MRTFA: variants seen among roughly 807,000 people sequenced by gnomAD.
MRTFA encodes the protein myocardin related transcription factor A.
Under a neutral mutation model 83.5 loss-of-function variants are expected in MRTFA, and 20 were observed. The observed-to-expected ratio is 0.24, with a 90% CI of 0.17 to 0.35. The LOEUF (loss-of-function observed/expected upper bound fraction) is 0.35, where lower values mean the gene tolerates loss of function less well. Ranked by LOEUF, MRTFA falls within the 10% of genes least tolerant of loss-of-function variation. MRTFA has a pLI of 1.00. For synonymous variants in MRTFA, 659 were observed against 541.2 expected (o/e 1.22, Z -3.02); for missense variants, 1,200 against 1,224.7 (o/e 0.98, Z 0.30).
At chr22:40,477,471 CTT>C (rs2054017517) in intron 3 of MRTFA, among the ~76,000 whole-genome samples, 1 of 152,184 alleles carries the variant, frequency 6.6e-6, no homozygotes, top group Non-Finnish European at 1.5e-5. Context: ...AATCAAGTAA[CTT>C]TATCTTTTTT....
At chr22:40,621,932 T>A (rs1265297139) in intron 1 of MRTFA, among the ~76,000 whole-genome samples, 2 of 152,130 alleles carry the variant, frequency 1.3e-5, no homozygotes, top group Non-Finnish European at 2.9e-5. Flanking sequence ...AACAGATGAT[T>A]TAGATAATGA....
chr22:40,517,277 C>T (rs1450635021), intron 3 of MRTFA, among the ~76,000 whole-genome samples: 1 of 151,990 alleles, frequency 6.6e-6, no homozygotes, highest in Admixed American at 6.6e-5. Context: ...TTGTTTTTTA[C>T]ATTTACGTTG....
chr22:40,588,921 G>A (rs144981697), intron 2 of MRTFA, among the ~76,000 whole-genome samples: 7 of 152,284 alleles, frequency 4.6e-5, no homozygotes, highest in Admixed American at 6.5e-5. Flanking sequence ...GTGCAAAGCT[G>A]CTATGAGCTA....
At position 40,416,777 on chromosome 22, in the gene MRTFA, G is replaced by A. The variant is rs2052688927; in HGVS notation, c.2578+209C>T. On this transcript the variant is annotated intron_variant, in intron 14 of 14. Coordinates refer to ENST00000355630, the MANE Select transcript of MRTFA (RefSeq NM_020831.6). The surrounding 1 kb of genome is among the most constrained non-coding windows in gnomAD (Gnocchi z 4.2). ...TTCGTTGGGAGGCGAGGGCCTTGGG[G>A]CAGTGCTTCCAGCTGAAGGACGGCA... is the stretch of plus-strand genomic sequence containing the variant. 6.6e-6 allele frequency among the ~76,000 whole-genome samples: 1 copy of A among 152,374 alleles called. No individual in the cohort carries two copies. Among genetic ancestry groups the A allele is most frequent in the Non-Finnish European group, 1.5e-5 (1 of 68,036 alleles).
At chr22:40,636,253 C>CGCCCG (rs751133050) in intron 1 of MRTFA, among the ~76,000 whole-genome samples, 5 of 152,148 alleles carry the variant, frequency 3.3e-5, no homozygotes, top group East Asian at 3.9e-4. Context: ...CGCGCCCGCC[C>CGCCCG]GCCCGGCCCG....
intron 2 of MRTFA, among the ~76,000 whole-genome samples, chr22:40,568,582 A>G (rs1054605059): frequency 1.3e-5 from 2 of 152,246 alleles, no homozygotes; most frequent in East Asian, 1.9e-4. Flanking sequence ...AATGCAACAG[A>G]TATTTTAATA....
intron 2 of MRTFA, among the ~76,000 whole-genome samples, chr22:40,585,053 A>T (rs1433602603): frequency 6.6e-6 from 1 of 152,160 alleles, no homozygotes; most frequent in Non-Finnish European, 1.5e-5. Context: ...CTCAAAAAGA[A>T]AACAAAAAAG....
In MRTFA at chr22:40,429,909, G is replaced by A. The variant is rs564371817; in HGVS notation, c.440-142C>T. On this transcript the variant is annotated intron_variant, in intron 6 of 14. Coordinates refer to ENST00000355630, the MANE Select transcript of MRTFA (RefSeq NM_020831.6). ...AAGCATATTCCAAGCAGAGAAGAGT[G>A]GCCTGTCTTGAAGTTTCACAAAGAC... 1.3e-5 allele frequency: 11 copies of A among 867,248 alleles called. No homozygotes were observed. The African/African-American group carries it at 1.7e-4, about 13-fold the overall frequency. The allele number at this position is 867,248 out of a possible 1,614,324, so 53.7% of individuals were successfully genotyped here.
chr22:40,612,158 TACTTTATTTAG>T (rs1161830259), intron 1 of MRTFA, among the ~76,000 whole-genome samples: 1 of 152,244 alleles, frequency 6.6e-6, no homozygotes, highest in African/African-American at 2.4e-5. Context: ...AATGAGCAAG[TACTTTATTTAG>T]GCAATGTAAA....
At chr22:40,486,546 C>T (rs952543295) in intron 3 of MRTFA, among the ~76,000 whole-genome samples, 2 of 151,986 alleles carry the variant, frequency 1.3e-5, no homozygotes, top group Non-Finnish European at 2.9e-5. Flanking sequence ...CTTTTCTAAC[C>T]ACAAATCTGG....
chr22:40,522,949 G>C (rs1184159535), intron 3 of MRTFA: 1 of 152,162 alleles, frequency 6.6e-6, no homozygotes, highest in East Asian at 1.9e-4. Flanking sequence ...TCAGGTCACA[G>C]GGAGTCCACG....
intron 1 of MRTFA, among the ~76,000 whole-genome samples, chr22:40,599,638 TG>T (rs1351983188): frequency 6.6e-6 from 1 of 152,092 alleles, no homozygotes; most frequent in Non-Finnish European, 1.5e-5. Flanking sequence ...GGCTCACACC[TG>T]TAATTCCAAC....
At chr22:40,461,628 C>CA (rs71199287) in intron 4 of MRTFA, among the ~76,000 whole-genome samples, 1,412 of 100,348 alleles carry the variant, frequency 0.014, 7 homozygotes, top group South Asian at 0.021. Context: ...ACTAAAAATA[C>CA]AAAAAAAAAA....
intron 1 of MRTFA, among the ~76,000 whole-genome samples, chr22:40,599,874 G>C (rs1184261979): frequency 6.6e-6 from 1 of 151,054 alleles, no homozygotes; most frequent in Middle Eastern, 3.4e-3. Context: ...ACTCCAGCCT[G>C]AGCGACAGAG....
Position 40,410,382 on chromosome 22 carries a change from G to C in MRTFA, c.*1008C>G, listed in dbSNP as rs1449035150. Reference sequence around the variant, plus strand: ...TGACTCCACCCCTACTCCCCTATGAGTCAGCCCAGAATGTGAAGCCAGTGG... The same window carrying C: ...TGACTCCACCCCTACTCCCCTATGACTCAGCCCAGAATGTGAAGCCAGTGG... On this transcript the variant is annotated 3_prime_UTR_variant, in exon 15 of 15. Coordinates refer to ENST00000355630, the MANE Select transcript of MRTFA (RefSeq NM_020831.6). 4.1e-6 allele frequency: 1 copy of C among 241,722 alleles called. No individual in the cohort carries two copies. The highest frequency in any genetic ancestry group is 8.0e-6 in the Non-Finnish European group (1 of 125,786). The allele number at this position is 241,722 out of a possible 1,614,324, so 15.0% of individuals were successfully genotyped here. A position where few individuals can be genotyped will look rare whatever the true frequency, so the allele number is the denominator to read the frequency against.
chr22:40,498,267 A>ATTTTT (rs2054391853), intron 3 of MRTFA, among the ~76,000 whole-genome samples: 1 of 89,172 alleles, frequency 1.1e-5, no homozygotes, highest in African/African-American at 5.1e-5. Flanking sequence ...ATATATATAT[A>ATTTTT]TATATATTTT....
At chr22:40,505,900 C>A (rs921574080) in intron 3 of MRTFA, among the ~76,000 whole-genome samples, 1 of 152,010 alleles carries the variant, frequency 6.6e-6, no homozygotes, top group African/African-American at 2.4e-5. Flanking sequence ...TGAACTAAGA[C>A]AATTATAAAG....
rs187953991 is a variant in MRTFA at position 40,606,853 on chromosome 22, T to C, written c.-83-12118A>G. The stretch of plus-strand genomic sequence containing the variant: ...GCTCCTCTTTGAAGGCAGCATATAA[T>C]TTCTGGGGCTAGCAGCAGTGACTTC... On this transcript the variant is annotated intron_variant, in intron 1 of 14. Transcript: ENST00000355630. Among the ~76,000 whole-genome samples, 110 of 152,278 alleles carry C rather than the reference T, an allele frequency of 7.2e-4. 1 individual carries two copies. Among genetic ancestry groups the C allele is most frequent in the African/African-American group, 2.6e-3 (107 of 41,564 alleles).
intron 3 of MRTFA, among the ~76,000 whole-genome samples, chr22:40,528,551 A>G (rs1458172777): frequency 6.6e-6 from 1 of 152,014 alleles, no homozygotes; most frequent in Non-Finnish European, 1.5e-5. Flanking sequence ...CAGCCTGACC[A>G]ACATGGAGAA....
Sources: allele counts gnomAD v4.1 joint callset (sites outside exome capture counted in the v4.1 genomes callset), GRCh38; gene constraint gnomAD v4.1.1; non-coding constraint Gnocchi (gnomAD v3.1); transcripts MANE v1.5; gene names NCBI Gene and HGNC (gene_info 2026-07-23, HGNC 2026-07-21).